TXNRD3: variants seen among roughly 807,000 people sequenced by gnomAD.
The protein encoded by TXNRD3 is thioredoxin reductase 3, also known as TXNRD3 neighbor gene protein.
Under a neutral mutation model 78.2 loss-of-function variants are expected in TXNRD3, and 68 were observed. That is an observed-to-expected ratio of 0.87 (90% CI 0.72 to 1.06). The LOEUF (loss-of-function observed/expected upper bound fraction) is 1.06. TXNRD3 is among the 50% of genes least tolerant of loss of function. The pLI is 0.00. For missense variants in TXNRD3, 751 were observed against 809.5 expected (o/e 0.93, Z 0.88); for synonymous variants, 296 against 300.1 (o/e 0.99, Z 0.14).
At chr3:126,634,506 G>A (rs966127970) in intron 6 of TXNRD3, among the ~76,000 whole-genome samples, 1 of 152,192 alleles carries the variant, frequency 6.6e-6, no homozygotes, top group Non-Finnish European at 1.5e-5. Context: ...CAGGGCAGTG[G>A]TTTCATGACA....
Position 126,655,112 on chromosome 3 carries a change from C to G in TXNRD3, c.-122G>C. 7.7e-7 allele frequency: 1 copy of G among 1,292,856 alleles called. No individual in the cohort carries two copies. Among genetic ancestry groups the G allele is most frequent in the South Asian group, 2.1e-5 (1 of 47,190 alleles). 80.1% of individuals were successfully genotyped at this position (1,292,856 alleles called of 1,614,324 possible). On this transcript the variant is annotated 5_prime_UTR_variant, in exon 1 of 16. Transcript: ENST00000524230. ...GCCCTCGCTGGCCACTCTCACCACC[C>G]GCGCGAATCCGCGAGGCAGCCGCTC...
intron 1 of TXNRD3, among the ~76,000 whole-genome samples, chr3:126,647,658 C>A (rs776905055): frequency 6.6e-6 from 1 of 152,106 alleles, no homozygotes; most frequent in Non-Finnish European, 1.5e-5. Context: ...AGTAAGACCC[C>A]ATCTCTACAA....
In TXNRD3 at chr3:126,640,308, C is replaced by T. The variant is rs1313201004; in HGVS notation, c.712+1724G>A. Reference sequence around the variant, plus strand: ...TTTTTTAGTAGAGACGGGGTTTCACCGTGTTAGCCAGGATGGTCTCGATCT... The same window carrying T: ...TTTTTTAGTAGAGACGGGGTTTCACTGTGTTAGCCAGGATGGTCTCGATCT... On this transcript the variant is annotated intron_variant, in intron 6 of 15. Coordinates refer to ENST00000524230, the MANE Select transcript of TXNRD3 (RefSeq NM_052883.3). Among the ~76,000 whole-genome samples the T allele has an allele frequency of 6.1e-5, 3 of 49,442 alleles. 1 individual carries two copies. The highest frequency in any genetic ancestry group is 1.4e-4 in the Non-Finnish European group (2 of 14,050). The allele number at this position is 49,442 out of a possible 152,430, so 32.4% of individuals were successfully genotyped here.
In TXNRD3 at chr3:126,647,294, C is replaced by T. The variant is rs1300599643; in HGVS notation, c.246G>A (p.Val82=). 7 of 1,534,592 alleles carry T rather than the reference C, an allele frequency of 4.6e-6. No homozygotes were observed. The highest frequency in any genetic ancestry group is 2.0e-5 in the Admixed American group (1 of 50,808). The change falls in exon 2 of 16, where the codon GTG becomes GTA. Residue 82 remains valine, a splice_region_variant and synonymous_variant. Transcript: ENST00000524230. ...CTCCCAAAGAAGAAAAGAGTTCTTT[C>T]ACCTGTAAAAAAAATTTAGCTAAGT... is the stretch of plus-strand genomic sequence containing the variant.
At position 126,607,953 on chromosome 3, in the gene TXNRD3, G is replaced by C. The variant is rs138742062; in HGVS notation, c.1884C>G (p.Ile628Met). The change falls in exon 16 of 16, where the codon ATC becomes ATG. Residue 628 changes from isoleucine to methionine, a missense_variant. Physicochemically the swap from Ile to Met is conservative, Grantham distance 10. Coordinates refer to ENST00000524230, the MANE Select transcript of TXNRD3 (RefSeq NM_052883.3). ...TGATGTCTAGTCCTGACGACTTTGT[G>C]ATTTCCAAAGTCGTGAACACCTGTT... The C allele has an allele frequency of 6.6e-7, 1 of 1,504,852 alleles. No homozygotes were observed. The highest frequency in any genetic ancestry group is 8.9e-7 in the Non-Finnish European group (1 of 1,123,932). The allele number at this position is 1,504,852 out of a possible 1,614,324, so 93.2% of individuals were successfully genotyped here.
intron 10 of TXNRD3, among the ~76,000 whole-genome samples, chr3:126,626,281 A>G (rs1307189620): frequency 6.6e-6 from 1 of 152,222 alleles, no homozygotes; most frequent in East Asian, 1.9e-4. Flanking sequence ...TGAAACATAA[A>G]GTAAAATACT....
chr3:126,635,915 A>C (rs1210502035), intron 6 of TXNRD3, among the ~76,000 whole-genome samples: 2 of 152,132 alleles, frequency 1.3e-5, no homozygotes, highest in Non-Finnish European at 2.9e-5. Flanking sequence ...AAACACACAC[A>C]CATATATACA....
intron 14 of TXNRD3, chr3:126,609,158 T>C (rs1415810428): frequency 2.2e-6 from 1 of 444,738 alleles, no homozygotes; most frequent in African/African-American, 2.0e-5. Context: ...GGAAGCAAGA[T>C]GTGCAGTCGT....
chr3:126,655,120 T>C lies in TXNRD3; in HGVS notation c.-130A>G. 7.8e-7 allele frequency: 1 copy of C among 1,289,824 alleles called. No homozygotes were observed. The allele number at this position is 1,289,824 out of a possible 1,614,324, so 79.9% of individuals were successfully genotyped here. A position where few individuals can be genotyped will look rare whatever the true frequency, so the allele number is the denominator to read the frequency against. ...TGGCCACTCTCACCACCCGCGCGAATCCGCGAGGCAGCCGCTCGCCCCGCC... is the reference window on the plus strand; with the variant it reads ...TGGCCACTCTCACCACCCGCGCGAACCCGCGAGGCAGCCGCTCGCCCCGCC... On this transcript the variant is annotated 5_prime_UTR_variant, in exon 1 of 16. Coordinates refer to ENST00000524230, the MANE Select transcript of TXNRD3 (RefSeq NM_052883.3).
intron 14 of TXNRD3, 120 bp downstream of exon 14, chr3:126,610,917 C>A (rs1300406332): frequency 1.6e-5 from 9 of 549,060 alleles, no homozygotes; most frequent in Non-Finnish European, 2.4e-5. Context: ...AGTTGGAGAC[C>A]AGCCTGAGCA....
At chr3:126,651,003 T>C (rs1053827210) in intron 1 of TXNRD3, among the ~76,000 whole-genome samples, 2 of 152,210 alleles carry the variant, frequency 1.3e-5, no homozygotes, top group African/African-American at 4.8e-5. Flanking sequence ...GGCTTATTCA[T>C]TTCTGTGTCT....
Position 126,622,935 on chromosome 3 carries a change from C to A in TXNRD3, c.1291-395G>T, listed in dbSNP as rs116204386. Among the ~76,000 whole-genome samples the A allele has an allele frequency of 6.4e-3, 978 of 152,180 alleles. 13 individuals carry two copies. The highest frequency in any genetic ancestry group is 0.023 in the African/African-American group (935 of 41,516). ...ATGGGCAACACAGACCAAAGGATGA[C>A]CATGTGAGGACACAAGGAGAAGACA... On this transcript the variant is annotated intron_variant, in intron 10 of 15. Transcript: ENST00000524230.
intron 6 of TXNRD3, among the ~76,000 whole-genome samples, chr3:126,636,830 C>T (rs550122161): frequency 6.6e-6 from 1 of 152,304 alleles, no homozygotes; most frequent in South Asian, 2.1e-4. Flanking sequence ...ACTTGTCCAA[C>T]CTGTGGCCCA....
At chr3:126,623,165 AC>A (rs1938496906) in intron 10 of TXNRD3, among the ~76,000 whole-genome samples, 1 of 152,210 alleles carries the variant, frequency 6.6e-6, no homozygotes, top group Admixed American at 6.5e-5. Flanking sequence ...GCCCTGGCAA[AC>A]TAATATGTCC....
intron 12 of TXNRD3, among the ~76,000 whole-genome samples, chr3:126,616,249 G>A (rs1281588083): frequency 6.6e-6 from 1 of 152,234 alleles, no homozygotes; most frequent in Non-Finnish European, 1.5e-5. Context: ...AAAGCTGTGT[G>A]TAGGTGGCAG....
At chr3:126,622,635 A>ATTCC in intron 10 of TXNRD3, 95 bp from the exon 11 acceptor site, 3 of 894,996 alleles carry the variant, frequency 3.4e-6, no homozygotes, top group African/African-American at 1.7e-5. Flanking sequence ...AAAGGGTAAT[A>ATTCC]ATGGAATATT....
rs561486195 is a variant in TXNRD3, at chr3:126,620,648, CT to C, written c.1524+1093del. On this transcript the variant is annotated intron_variant, in intron 12 of 15. Coordinates refer to ENST00000524230, the MANE Select transcript of TXNRD3 (RefSeq NM_052883.3). ...GCGATTGTTTTACTACTCTTTCTGT[CT>C]TTTGACATCTTTCTAAATAAAAAGT... is the stretch of plus-strand genomic sequence containing the variant. Among the ~76,000 whole-genome samples the C allele has an allele frequency of 2.5e-3, 379 of 152,250 alleles. 3 individuals carry two copies. The highest frequency in any genetic ancestry group is 0.01 in the South Asian group (50 of 4,820).
At chr3:126,614,143 AAG>A (rs1462482000) in intron 13 of TXNRD3, among the ~76,000 whole-genome samples, 1 of 152,226 alleles carries the variant, frequency 6.6e-6, no homozygotes, top group Non-Finnish European at 1.5e-5. Flanking sequence ...GATATAAAGA[AAG>A]AAATTATTTT....
At chr3:126,630,128 G>A (rs970755644) in intron 9 of TXNRD3, among the ~76,000 whole-genome samples, 1 of 152,222 alleles carries the variant, frequency 6.6e-6, no homozygotes, top group African/African-American at 2.4e-5. Context: ...AGAAAGGAAG[G>A]TGCTTCAAAT....
Sources: gnomAD v4.1 joint callset for allele counts (sites outside exome capture counted in the v4.1 genomes callset) on GRCh38, gnomAD v4.1.1 for gene constraint, MANE v1.5 for transcripts, NCBI Gene and HGNC (gene_info 2026-07-23, HGNC 2026-07-21) for gene names.